TMEM230: variants seen among roughly 807,000 people sequenced by gnomAD.
TMEM230 encodes the protein transmembrane protein 230.
A neutral mutation model predicts 15.8 loss-of-function variants in TMEM230; 10 were observed. The ratio of observed to expected loss-of-function variants is 0.63; its 90% CI spans 0.39 to 1.07. The LOEUF (loss-of-function observed/expected upper bound fraction) is 1.07, where lower values mean the gene tolerates loss of function less well. Ranked by LOEUF, TMEM230 falls within the 50% of genes least tolerant of loss-of-function variation. The probability of loss-of-function intolerance (pLI) is 0.01; values close to 1 mark genes in which losing one functional copy is unlikely to be tolerated. For synonymous variants in TMEM230, 67 were observed against 76.9 expected, an observed-to-expected ratio of 0.87 and a Z score of 0.68; for missense variants, 165 against 193.3, an observed-to-expected ratio of 0.85 and a Z score of 0.87.
At chr20:5,069,134 A>T (rs1163543440) in exon 4 of TMEM230, 1 of 1,389,564 alleles carries the variant, frequency 7.2e-7, no homozygotes, top group Non-Finnish European at 9.6e-7. Flanking sequence ...TATTCCTAGG[A>T]CATTTTCAGT....
chr20:5,071,053 G>C (rs2088806205), intron 3 of TMEM230, among the ~76,000 whole-genome samples: 1 of 152,156 alleles, frequency 6.6e-6, no homozygotes, highest in East Asian at 1.9e-4. Context: ...ATTTCCAGGT[G>C]AATGGCAATG....
the TMEM230 span, among the ~76,000 whole-genome samples, chr20:5,060,828 T>C: frequency 6.6e-6 from 1 of 152,204 alleles, no homozygotes; most frequent in African/African-American, 2.4e-5. Context: ...AGTACTTCTA[T>C]CCATGGGTCT....
intron 3 of TMEM230, among the ~76,000 whole-genome samples, chr20:5,088,568 G>A (rs1600325512): frequency 2.0e-5 from 3 of 151,612 alleles, no homozygotes; most frequent in Admixed American, 1.3e-4. Context: ...GCTAGAGTGC[G>A]GTAGCATGAT....
chr20:5,088,546 T>C (rs2089421434), intron 3 of TMEM230, among the ~76,000 whole-genome samples: 1 of 151,368 alleles, frequency 6.6e-6, no homozygotes, highest in East Asian at 2.0e-4. Flanking sequence ...ATGAGCCTAC[T>C]GCACTCACCT....
At chr20:5,093,466 C>T (rs936980309) in intron 3 of TMEM230, among the ~76,000 whole-genome samples, 1 of 152,070 alleles carries the variant, frequency 6.6e-6, no homozygotes, top group Admixed American at 6.6e-5. Context: ...GTCTTGAACT[C>T]CTGGGCTCAC....
At chr20:5,103,672 C>T (rs1025750454) in intron 4 of TMEM230, among the ~76,000 whole-genome samples, 3 of 149,410 alleles carry the variant, frequency 2.0e-5, no homozygotes, top group African/African-American at 7.3e-5. Flanking sequence ...AACAAAAAAA[C>T]ATACACTGGG....
chr20:5,059,172 A>T, the TMEM230 span, among the ~76,000 whole-genome samples: 1 of 150,956 alleles, frequency 6.6e-6, no homozygotes, highest in Admixed American at 6.6e-5. Context: ...TTTTCTATTT[A>T]TTTTTTTTTG....
intron 1 of TMEM230, among the ~76,000 whole-genome samples, chr20:5,112,538 T>C (rs2090368500): frequency 1.3e-5 from 2 of 152,230 alleles, no homozygotes; most frequent in Non-Finnish European, 2.9e-5. Context: ...TGTTTACTCT[T>C]GGCAAAGAGG....
chr20:5,079,100 T>C (rs2089099021), intron 3 of TMEM230, among the ~76,000 whole-genome samples: 1 of 152,252 alleles, frequency 6.6e-6, no homozygotes, highest in African/African-American at 2.4e-5. Context: ...TTGATTTTTC[T>C]TTCAATGCCT....
At chr20:5,110,770 C>T (rs1470118107) in intron 2 of TMEM230, among the ~76,000 whole-genome samples, 1 of 152,216 alleles carries the variant, frequency 6.6e-6, no homozygotes, top group Non-Finnish European at 1.5e-5. Flanking sequence ...GAATAACAAC[C>T]TGGCTTCTTG....
chr20:5,088,485 G>GT (rs2089419195), intron 3 of TMEM230, among the ~76,000 whole-genome samples: 2 of 152,060 alleles, frequency 1.3e-5, no homozygotes, highest in African/African-American at 2.4e-5. Flanking sequence ...GCAATCAGGT[G>GT]GTTTTTTTAA....
chr20:5,090,670 GT>G (rs2089481673), intron 3 of TMEM230, among the ~76,000 whole-genome samples: 1 of 152,136 alleles, frequency 6.6e-6, no homozygotes, highest in Non-Finnish European at 1.5e-5. Context: ...CATACTAAGT[GT>G]TCTGGTTCAG....
downstream of TMEM230, among the ~76,000 whole-genome samples, chr20:5,095,084 G>A (rs1044408360): frequency 1.3e-5 from 2 of 152,156 alleles, no homozygotes; most frequent in African/African-American, 4.8e-5. Context: ...GGTGGTCTCA[G>A]GGCAAACTCT....
At chr20:5,085,156 C>T (rs1247609680) in intron 3 of TMEM230, among the ~76,000 whole-genome samples, 2 of 152,172 alleles carry the variant, frequency 1.3e-5, no homozygotes, top group Non-Finnish European at 2.9e-5. Context: ...TTGCCACCTA[C>T]AACATCCTCT....
In TMEM230 at chr20:5,100,500, A is replaced by G. The variant is rs2089810478; in HGVS notation, c.*291T>C. The G allele has an allele frequency of 8.8e-7, 1 of 1,141,830 alleles. No individual in the cohort carries two copies. The highest frequency in any genetic ancestry group is 4.5e-5 in the Admixed American group (1 of 22,404). 70.7% of individuals were successfully genotyped at this position (1,141,830 alleles called of 1,614,324 possible). A position where few individuals can be genotyped will look rare whatever the true frequency, so the allele number is the denominator to read the frequency against. ...ATTTAAAAGAAATGCTCAGCTCTAC[A>G]GAGGGTGGTGGCAGGCAACACTTTT... On this transcript the variant is annotated 3_prime_UTR_variant, in exon 5 of 5. Transcript: ENST00000342308.
At chr20:5,097,392 A>T (rs1220343554), downstream of TMEM230, among the ~76,000 whole-genome samples, 1 of 152,238 alleles carries the variant, frequency 6.6e-6, no homozygotes, top group Admixed American at 6.5e-5. Flanking sequence ...GACTAACAGG[A>T]GGCATAAGAG....
At chr20:5,105,862 A>G (rs565918168) in intron 4 of TMEM230, among the ~76,000 whole-genome samples, 1 of 152,206 alleles carries the variant, frequency 6.6e-6, no homozygotes, top group African/African-American at 2.4e-5. Flanking sequence ...AACATAGTGA[A>G]ACCCTGTCTC....
At chr20:5,075,517 G>A (rs2088962550) in intron 3 of TMEM230, among the ~76,000 whole-genome samples, 1 of 151,512 alleles carries the variant, frequency 6.6e-6, no homozygotes, top group African/African-American at 2.4e-5. Context: ...CTGAAGTCAG[G>A]AGTTTGAGAC....
chr20:5,083,247 T>C (rs1305115832), intron 3 of TMEM230, among the ~76,000 whole-genome samples: 1 of 151,400 alleles, frequency 6.6e-6, no homozygotes, highest in African/African-American at 2.4e-5. Flanking sequence ...ATATACTTGA[T>C]GATGTTAGGG....
Sources: gnomAD v4.1 joint callset for allele counts (sites outside exome capture counted in the v4.1 genomes callset) on GRCh38, gnomAD v4.1.1 for gene constraint, MANE v1.5 for transcripts, NCBI Gene and HGNC (gene_info 2026-07-23, HGNC 2026-07-21) for gene names.